PMEPA1: variants seen among roughly 807,000 people sequenced by gnomAD.
PMEPA1 encodes protein TMEPAI.
Under a neutral mutation model 23.0 loss-of-function variants are expected in PMEPA1, and 11 were observed. The ratio of observed to expected loss-of-function variants is 0.48; its 90% CI spans 0.30 to 0.79. PMEPA1 has a LOEUF of 0.79. PMEPA1 is among the 30% of genes least tolerant of loss of function. The pLI, the probability that PMEPA1 is intolerant of heterozygous loss-of-function variation, is 0.06. For missense variants in PMEPA1, 377 were observed against 390.9 expected, an observed-to-expected ratio of 0.96 and a Z score of 0.30; for synonymous variants, 204 against 166.4, an observed-to-expected ratio of 1.23 and a Z score of -1.74.
chr20:57,700,798 C>T (rs201578961), intron 1 of PMEPA1, among the ~76,000 whole-genome samples: 5 of 152,206 alleles, frequency 3.3e-5, no homozygotes, highest in East Asian at 3.9e-4. Context: ...GAGGCTGAGG[C>T]GGGCAGATCA....
chr20:57,705,377 T>G (rs73298699), intron 1 of PMEPA1, among the ~76,000 whole-genome samples: 6,803 of 152,246 alleles, frequency 0.045, 283 homozygotes, highest in African/African-American at 0.11. Flanking sequence ...CACCACAACC[T>G]AAAACCCAGA....
Position 57,652,311 on chromosome 20 carries a change from C to G in PMEPA1, c.606G>C (p.Leu202=). The change falls in exon 4 of 4, where the codon CTG becomes CTC. Residue 202 remains leucine, a synonymous_variant. Coordinates refer to ENST00000341744, the MANE Select transcript of PMEPA1 (RefSeq NM_020182.5). The surrounding 1 kb of genome is among the most constrained non-coding windows in gnomAD (Gnocchi z 6.1). Reference sequence around the variant, plus strand: ...TACTGCTGGGGGGGCAGGGGCCGCCCAGCCTGGCACTATCCATCAGGTCAC... The same window carrying G: ...TACTGCTGGGGGGGCAGGGGCCGCCGAGCCTGGCACTATCCATCAGGTCAC... ...FDSDLMDSAR[L]GGPCPPSSNS... The G allele has an allele frequency of 6.2e-7, 1 of 1,611,400 alleles. No individual in the cohort carries two copies. The highest frequency in any genetic ancestry group is 1.1e-5 in the South Asian group (1 of 91,066).
chr20:57,693,985 T>G (rs144430683), intron 1 of PMEPA1, among the ~76,000 whole-genome samples: 178 of 152,320 alleles, frequency 1.2e-3, no homozygotes, highest in African/African-American at 3.9e-3. Flanking sequence ...CCGGTGAGGA[T>G]GGGAGGTCCT....
intron 1 of PMEPA1, among the ~76,000 whole-genome samples, chr20:57,701,941 A>G (rs999851327): frequency 4.6e-5 from 7 of 152,258 alleles, no homozygotes; most frequent in African/African-American, 1.7e-4. Flanking sequence ...AGCTAATGAC[A>G]CAAAGATTCG....
chr20:57,659,947 C>T (rs976029731), intron 1 of PMEPA1, among the ~76,000 whole-genome samples: 3 of 152,184 alleles, frequency 2.0e-5, no homozygotes, highest in African/African-American at 7.2e-5. Flanking sequence ...TGTCCTGGGA[C>T]CCAGACACCC....
At position 57,656,502 on chromosome 20, in the gene PMEPA1, T is replaced by C. The variant is rs1415280944; in HGVS notation, c.264+3041A>G. Among the ~76,000 whole-genome samples, 2 of 152,098 alleles carry C rather than the reference T, an allele frequency of 1.3e-5. No individual in the cohort carries two copies. The highest frequency in any genetic ancestry group is 3.9e-4 in the East Asian group (2 of 5,106). ...CTGGGATTGCCTTTCTGGGTAAACC[T>C]GAAGTCTGCGCCACTCCGTGGCTGG... On this transcript the variant is annotated intron_variant, in intron 2 of 3. Coordinates refer to ENST00000341744, the MANE Select transcript of PMEPA1 (RefSeq NM_020182.5). This position sits in a 1 kb window ranked among gnomAD's most constrained non-coding sequence, Gnocchi z 4.7.
At chr20:57,685,731 G>T (rs116876007) in intron 1 of PMEPA1, among the ~76,000 whole-genome samples, 1 of 152,270 alleles carries the variant, frequency 6.6e-6, no homozygotes, top group East Asian at 1.9e-4. Flanking sequence ...CTTGTTCTGG[G>T]AAGGCGCCTG....
chr20:57,670,666 G>A (rs563605761), intron 1 of PMEPA1, among the ~76,000 whole-genome samples: 13 of 152,248 alleles, frequency 8.5e-5, no homozygotes, highest in Non-Finnish European at 1.5e-4. Context: ...GCCTGACTCC[G>A]CGTTGTATTC....
At chr20:57,664,403 G>C (rs183734887) in intron 1 of PMEPA1, among the ~76,000 whole-genome samples, 47 of 152,358 alleles carry the variant, frequency 3.1e-4, no homozygotes, top group African/African-American at 1.0e-3. Context: ...ATCCCTCTGG[G>C]CAGGCACCGT....
intron 1 of PMEPA1, among the ~76,000 whole-genome samples, chr20:57,700,504 G>T (rs1269615354): frequency 6.6e-6 from 1 of 152,160 alleles, no homozygotes; most frequent in Non-Finnish European, 1.5e-5. Context: ...TTCTAGCTGT[G>T]GCCGTCCAGC....
chr20:57,669,406 C>G (rs2071537647), intron 1 of PMEPA1, among the ~76,000 whole-genome samples: 1 of 152,158 alleles, frequency 6.6e-6, no homozygotes, highest in Admixed American at 6.5e-5. Context: ...AGGGATCCAC[C>G]CACCTCGGCC....
chr20:57,682,816 C>T lies in PMEPA1; in HGVS notation c.110-23119G>A, dbSNP rs1040882371. ...AGCTGGGCTTTCTGCATGAGCAGGC[C>T]CCGCTGAAAAGGAAGGCGGCTCGCC... is the stretch of plus-strand genomic sequence containing the variant. On this transcript the variant is annotated intron_variant, in intron 1 of 3. Transcript: ENST00000341744. The surrounding 1 kb of genome is among the most constrained non-coding windows in gnomAD (Gnocchi z 4.4). Among the ~76,000 whole-genome samples the T allele has an allele frequency of 6.6e-5, 10 of 152,198 alleles. No individual in the cohort carries two copies. Among genetic ancestry groups the T allele is most frequent in the Admixed American group, 6.5e-4 (10 of 15,286 alleles).
chr20:57,661,573 C>T (rs1324345442), intron 1 of PMEPA1, among the ~76,000 whole-genome samples: 2 of 152,232 alleles, frequency 1.3e-5, no homozygotes, highest in African/African-American at 4.8e-5. Context: ...TCAGTTCCTC[C>T]TCCTCCCAGG....
chr20:57,690,346 G>A (rs773586120), intron 1 of PMEPA1: 12 of 982,172 alleles, frequency 1.2e-5, no homozygotes, highest in South Asian at 8.0e-5. Context: ...CTGCATCAGC[G>A]CTACACATGC....
intron 1 of PMEPA1, among the ~76,000 whole-genome samples, chr20:57,691,623 C>G (rs1454903708): frequency 6.6e-6 from 1 of 152,154 alleles, no homozygotes; most frequent in Non-Finnish European, 1.5e-5. Flanking sequence ...CGAAGAAAAT[C>G]ATTACTCTGC....
chr20:57,669,451 G>A (rs1045774667), intron 1 of PMEPA1, among the ~76,000 whole-genome samples: 5 of 152,130 alleles, frequency 3.3e-5, no homozygotes, highest in East Asian at 1.9e-4. Flanking sequence ...GTGAGCCACC[G>A]CACCCAACTG....
In PMEPA1 at chr20:57,656,687, C is replaced by T. The variant is rs754920567; in HGVS notation, c.264+2856G>A. On this transcript the variant is annotated intron_variant, in intron 2 of 3. Transcript: ENST00000341744. The surrounding 1 kb of genome is among the most constrained non-coding windows in gnomAD (Gnocchi z 4.7). ...TCACACAACAAGGAGGTGACAAGGCCGAGAAAAGACCTCAGAGCTCAGGGT... is the reference window on the plus strand; with the variant it reads ...TCACACAACAAGGAGGTGACAAGGCTGAGAAAAGACCTCAGAGCTCAGGGT... Among the ~76,000 whole-genome samples, 5 of 152,088 alleles carry T rather than the reference C, an allele frequency of 3.3e-5. No homozygotes were observed. The highest frequency in any genetic ancestry group is 3.9e-4 in the East Asian group (2 of 5,158).
chr20:57,691,491 A>G (rs2071881404), intron 1 of PMEPA1, among the ~76,000 whole-genome samples: 1 of 152,132 alleles, frequency 6.6e-6, no homozygotes, highest in African/African-American at 2.4e-5. Flanking sequence ...TGTCCAGGCT[A>G]TAGCAGCCCC....
chr20:57,672,269 C>T (rs944503603), intron 1 of PMEPA1, among the ~76,000 whole-genome samples: 2 of 152,392 alleles, frequency 1.3e-5, no homozygotes, highest in South Asian at 2.1e-4. Context: ...CGTATGCCCT[C>T]GCCACTCGGC....
Sources: allele counts gnomAD v4.1 joint callset (sites outside exome capture counted in the v4.1 genomes callset), GRCh38; gene constraint gnomAD v4.1.1; non-coding constraint Gnocchi (gnomAD v3.1); transcripts MANE v1.5; gene names NCBI Gene and HGNC (gene_info 2026-07-23, HGNC 2026-07-21).